The following BCL2L11 variants were observed in gnomAD, a reference collection of about 807,000 sequenced individuals.
The protein encoded by BCL2L11 is BCL2 like 11.
BCL2L11 carries 15 observed loss-of-function variants against 20.6 expected under a neutral mutation model. The observed-to-expected ratio is 0.73, with a 90% CI of 0.49 to 1.12. The LOEUF is 1.12. Among genes scored for constraint, BCL2L11 ranks in the 50% most tolerant of loss-of-function variants. The pLI is 0.00. For synonymous variants in BCL2L11, 108 were observed against 92.8 expected (o/e 1.16, Z -0.94); for missense variants, 292 against 260.9 (o/e 1.12, Z -0.82).
At chr2:111,164,014 G>A (rs1171821308) in intron 3 of BCL2L11, 119 bp from the exon 4 acceptor site, 2 of 690,064 alleles carry the variant, frequency 2.9e-6, no homozygotes, top group East Asian at 5.3e-5. Flanking sequence ...CAGTGCTCTT[G>A]AAGAGGTGCC....
chr2:111,164,950 G>T lies in BCL2L11; in HGVS notation c.*719G>T, dbSNP rs1337840171. On this transcript the variant is annotated 3_prime_UTR_variant, in exon 4 of 4. Coordinates refer to ENST00000393256, the MANE Select transcript of BCL2L11 (RefSeq NM_138621.5). ...TGTGGCAAAATTTCAGACTATTTTTGCGTCTTTCCTCATCACTTTTTGTGA... is the reference window on the plus strand; with the variant it reads ...TGTGGCAAAATTTCAGACTATTTTTTCGTCTTTCCTCATCACTTTTTGTGA... The T allele has an allele frequency of 6.6e-6, 1 of 152,136 alleles. No individual in the cohort carries two copies. The highest frequency in any genetic ancestry group is 1.5e-5 in the Non-Finnish European group (1 of 68,024). 9.4% of individuals were successfully genotyped at this position (152,136 alleles called of 1,614,324 possible). A position where few individuals can be genotyped will look rare whatever the true frequency, so the allele number is the denominator to read the frequency against.
At chr2:111,163,121 G>C (rs1391845989) in intron 3 of BCL2L11, 1 of 154,406 alleles carries the variant, frequency 6.5e-6, no homozygotes, top group African/African-American at 2.4e-5. Context: ...TGGTGTCTGT[G>C]GGGGCCATTC....
At chr2:111,142,700 C>G (rs1298218347) in intron 2 of BCL2L11, among the ~76,000 whole-genome samples, 1 of 152,070 alleles carries the variant, frequency 6.6e-6, no homozygotes, top group African/African-American at 2.4e-5. Context: ...TACTGAAGAC[C>G]TTAATGTGAG....
chr2:111,152,603 C>T (rs1393212800), intron 3 of BCL2L11, among the ~76,000 whole-genome samples: 1 of 152,302 alleles, frequency 6.6e-6, no homozygotes, highest in Middle Eastern at 3.4e-3. Flanking sequence ...GAGTGCATCC[C>T]AGTCCCCGGC....
chr2:111,133,066 TAACTG>T (rs1267935026), intron 2 of BCL2L11, among the ~76,000 whole-genome samples: 3 of 152,198 alleles, frequency 2.0e-5, no homozygotes, highest in Non-Finnish European at 4.4e-5. Flanking sequence ...AACAGATTCT[TAACTG>T]AACTTATGCA....
chr2:111,147,995 G>A (rs371045681), intron 2 of BCL2L11, among the ~76,000 whole-genome samples: 176 of 152,320 alleles, frequency 1.2e-3, no homozygotes, highest in South Asian at 0.011. Flanking sequence ...TTGTTGAGTG[G>A]ATTTGTGAAT....
chr2:111,157,252 GT>G (rs200700895), intron 3 of BCL2L11, among the ~76,000 whole-genome samples: 1 of 152,006 alleles, frequency 6.6e-6, no homozygotes, highest in African/African-American at 2.4e-5. Flanking sequence ...TCTAACTGGG[GT>G]TTTTTTTAAA....
chr2:111,162,852 C>G (rs1559090783), intron 3 of BCL2L11: 1 of 152,184 alleles, frequency 6.6e-6, no homozygotes, highest in Non-Finnish European at 1.5e-5. Flanking sequence ...TAAAATTAAC[C>G]TTCCCCTAAA....
intron 3 of BCL2L11, among the ~76,000 whole-genome samples, chr2:111,154,415 T>C (rs907308046): frequency 6.6e-6 from 1 of 152,178 alleles, no homozygotes; most frequent in East Asian, 1.9e-4. Context: ...GGATAATGCA[T>C]TGAATTCACG....
intron 3 of BCL2L11, chr2:111,151,842 C>T: frequency 1.9e-6 from 3 of 1,549,536 alleles, no homozygotes; most frequent in African/African-American, 1.4e-5. Flanking sequence ...TCCTGGCATC[C>T]TCCACCTGAC....
chr2:111,134,228 C>T (rs1391027834), intron 2 of BCL2L11, among the ~76,000 whole-genome samples: 2 of 151,296 alleles, frequency 1.3e-5, no homozygotes, highest in South Asian at 4.2e-4. Context: ...TTCCTTGTTT[C>T]TTTTTTTGTT....
intron 3 of BCL2L11, among the ~76,000 whole-genome samples, chr2:111,152,571 G>T: frequency 6.6e-6 from 1 of 152,352 alleles, no homozygotes; most frequent in Non-Finnish European, 1.5e-5. Context: ...CAAGACATAG[G>T]CTAAGGCTGG....
intron 2 of BCL2L11, among the ~76,000 whole-genome samples, chr2:111,138,008 CTTTCTT>C (rs1373673309): frequency 7.4e-6 from 1 of 134,632 alleles, no homozygotes; most frequent in Admixed American, 7.3e-5. Flanking sequence ...TTCTTTCTTT[CTTTCTT>C]TTTTTTTTTT....
At chr2:111,123,586 T>A in intron 1 of BCL2L11, 147 bp from the exon 2 acceptor site, 1 of 1,228,720 alleles carries the variant, frequency 8.1e-7, no homozygotes, top group Non-Finnish European at 1.0e-6. Context: ...GGTGCAATTT[T>A]TTTATTTGGG....
chr2:111,122,749 G>C, intron 1 of BCL2L11: 1 of 985,418 alleles, frequency 1.0e-6, no homozygotes, highest in Non-Finnish European at 1.2e-6. Flanking sequence ...GGGCTGGCGG[G>C]AAGGCGCGGG....
At chr2:111,151,727 G>C (rs756351948) in intron 3 of BCL2L11, 3 of 983,292 alleles carry the variant, frequency 3.1e-6, no homozygotes, top group Non-Finnish European at 4.8e-6. Context: ...CTTTCTGTGG[G>C]GGTGTTTGAG....
chr2:111,166,464 A>G lies in BCL2L11; in HGVS notation c.*2233A>G, dbSNP rs2079026480. 6.5e-6 allele frequency: 1 copy of G among 152,712 alleles called. No individual in the cohort carries two copies. Among genetic ancestry groups the G allele is most frequent in the African/African-American group, 2.4e-5 (1 of 41,468 alleles). 9.5% of individuals were successfully genotyped at this position (152,712 alleles called of 1,614,324 possible). A position where few individuals can be genotyped will look rare whatever the true frequency, so the allele number is the denominator to read the frequency against. ...GACCAGGCTGTTGGCACCAGAACTT[A>G]AAGCGATGACTGGATGTCTCTGTAC... On this transcript the variant is annotated 3_prime_UTR_variant, in exon 4 of 4. Coordinates refer to ENST00000393256, the MANE Select transcript of BCL2L11 (RefSeq NM_138621.5).
At chr2:111,138,011 T>C (rs1460125250) in intron 2 of BCL2L11, among the ~76,000 whole-genome samples, 2 of 131,784 alleles carry the variant, frequency 1.5e-5, no homozygotes, top group Non-Finnish European at 3.2e-5. Context: ...TTTCTTTCTT[T>C]CTTTTTTTTT....
chr2:111,139,236 T>G (rs956507598), intron 2 of BCL2L11, among the ~76,000 whole-genome samples: 6 of 152,108 alleles, frequency 3.9e-5, no homozygotes, highest in African/African-American at 1.2e-4. Flanking sequence ...AACCTCAGCT[T>G]CTTGGGTAAA....
Sources: gnomAD v4.1 joint callset for allele counts (sites outside exome capture counted in the v4.1 genomes callset) on GRCh38, gnomAD v4.1.1 for gene constraint, MANE v1.5 for transcripts, NCBI Gene and HGNC (gene_info 2026-07-23, HGNC 2026-07-21) for gene names.